UTRN: variants seen among roughly 807,000 people sequenced by gnomAD.
The protein encoded by UTRN is dystrophin-related protein 1.
A neutral mutation model predicts 463.9 loss-of-function variants in UTRN; 283 were observed. The observed-to-expected ratio is 0.61, with a 90% CI of 0.55 to 0.67. The LOEUF (loss-of-function observed/expected upper bound fraction) is 0.67. Ranked by LOEUF, UTRN falls within the 30% of genes least tolerant of loss-of-function variation. The pLI, the probability that UTRN is intolerant of heterozygous loss-of-function variation, is 0.00. For missense variants in UTRN, 3,922 were observed against 4,084.3 expected (o/e 0.96, Z 1.08); for synonymous variants, 1,442 against 1,431.5 (o/e 1.01, Z -0.17).
intron 33 of UTRN, among the ~76,000 whole-genome samples, chr6:144,494,586 C>T (rs954269075): frequency 6.6e-6 from 1 of 152,178 alleles, no homozygotes; most frequent in Non-Finnish European, 1.5e-5. Context: ...CTGGCCCTAC[C>T]CACATCCTGC....
Position 144,448,670 on chromosome 6 carries a change from T to C in UTRN, c.1973T>C (p.Val658Ala). Residue 658 changes from valine (V) to alanine (A), a missense_variant, in exon 17 of 75, where the codon GTA becomes GCA. Val to Ala is a moderately conservative substitution (Grantham distance 64). Around this residue, in one of 3 missense-constraint regions of UTRN, gnomAD observed 2,349 missense variants for 2,303.8 expected, o/e 1.02. Coordinates refer to ENST00000367545, the MANE Select transcript of UTRN (RefSeq NM_007124.3). Reference sequence around the variant, plus strand: ...AAGGACCTTTTGGAGACTGTTCGTGTAAGAGAACAAGCAATTACAAAAAAA... The same window carrying C: ...AAGGACCTTTTGGAGACTGTTCGTGCAAGAGAACAAGCAATTACAAAAAAA... ...PQKDLLETVR[V>A]REQAITKKSK... 6.2e-7 allele frequency: 1 copy of C among 1,613,984 alleles called. No homozygotes were observed. The highest frequency in any genetic ancestry group is 8.5e-7 in the Non-Finnish European group (1 of 1,179,968).
chr6:144,583,195 C>T (rs575221446), intron 51 of UTRN: 4 of 308,988 alleles, frequency 1.3e-5, no homozygotes, highest in African/African-American at 2.1e-5. Context: ...CAGCCGGCAG[C>T]GCTTGGCTGC....
At chr6:144,823,110 G>T (rs185907436) in intron 66 of UTRN, among the ~76,000 whole-genome samples, 1 of 152,028 alleles carries the variant, frequency 6.6e-6, no homozygotes, top group Non-Finnish European at 1.5e-5. Flanking sequence ...TGATTTTGGG[G>T]TGTAATTCTG....
intron 74 of UTRN, 92 bp from the exon 75 acceptor site, chr6:144,850,897 A>C: frequency 6.4e-7 from 1 of 1,552,024 alleles, no homozygotes; most frequent in Admixed American, 1.7e-5. Flanking sequence ...CTCTTGAAAG[A>C]AGCACTTTTA....
At chr6:144,362,033 GCAA>G (rs1219936429) in intron 2 of UTRN, among the ~76,000 whole-genome samples, 2 of 151,820 alleles carry the variant, frequency 1.3e-5, no homozygotes, top group African/African-American at 4.8e-5. Context: ...CATAATAATG[GCAA>G]CAACAACAAA....
intron 49 of UTRN, among the ~76,000 whole-genome samples, chr6:144,556,776 C>T (rs1444155586): frequency 6.6e-6 from 1 of 152,160 alleles, no homozygotes; most frequent in South Asian, 2.1e-4. Flanking sequence ...TGATTCTTCA[C>T]GTTTCTCCAG....
intron 3 of UTRN, among the ~76,000 whole-genome samples, chr6:144,406,455 C>T (rs1033178961): frequency 4.0e-5 from 6 of 151,098 alleles, no homozygotes; most frequent in African/African-American, 7.3e-5. Context: ...CAGCCTCTGC[C>T]TCCCAGGTTG....
chr6:144,751,979 C>T (rs760146955), intron 56 of UTRN, 27 bp downstream of exon 56: 1 of 1,572,980 alleles, frequency 6.4e-7, no homozygotes, highest in Non-Finnish European at 8.6e-7. Flanking sequence ...CTTCATAATG[C>T]AGGCTTACAC....
intron 51 of UTRN, among the ~76,000 whole-genome samples, chr6:144,664,948 G>C (rs2128674739): frequency 1.3e-5 from 2 of 152,036 alleles, no homozygotes; most frequent in African/African-American, 4.8e-5. Flanking sequence ...ATCCTGCTGA[G>C]CTCCTGATAA....
chr6:144,747,922 T>A (rs1394123281), intron 54 of UTRN, among the ~76,000 whole-genome samples: 2 of 152,248 alleles, frequency 1.3e-5, no homozygotes, highest in Non-Finnish European at 2.9e-5. Context: ...ACTGAATTTA[T>A]GATAAAGAAA....
At chr6:144,502,277 T>A (rs1235448543) in intron 34 of UTRN, among the ~76,000 whole-genome samples, 1 of 152,072 alleles carries the variant, frequency 6.6e-6, no homozygotes, top group South Asian at 2.1e-4. Context: ...TTAATTGTTA[T>A]ACTTTAAGTT....
intron 51 of UTRN, among the ~76,000 whole-genome samples, chr6:144,647,917 G>A (rs1420596307): frequency 2.0e-5 from 3 of 152,224 alleles, no homozygotes; most frequent in African/African-American, 7.2e-5. Context: ...ATGTATTACA[G>A]TTGTTAGATT....
intron 2 of UTRN, among the ~76,000 whole-genome samples, chr6:144,311,002 T>C (rs1366763781): frequency 6.6e-6 from 1 of 152,238 alleles, no homozygotes. Flanking sequence ...GTCAGCGTGG[T>C]TGCCAACTGC....
intron 2 of UTRN, among the ~76,000 whole-genome samples, chr6:144,317,215 G>A (rs1775337601): frequency 6.6e-6 from 1 of 152,128 alleles, no homozygotes; most frequent in African/African-American, 2.4e-5. Context: ...CGAATGATAT[G>A]GAGGAAGCTA....
intron 19 of UTRN, among the ~76,000 whole-genome samples, chr6:144,455,140 A>G (rs1788693754): frequency 6.6e-6 from 1 of 152,214 alleles, no homozygotes; most frequent in Admixed American, 6.5e-5. Flanking sequence ...CACACAAAAT[A>G]TGGAATGTAT....
chr6:144,781,263 ACTT>A (rs1316424940), intron 60 of UTRN, among the ~76,000 whole-genome samples: 1 of 152,152 alleles, frequency 6.6e-6, no homozygotes, highest in African/African-American at 2.4e-5. Flanking sequence ...CTGCTCTAGT[ACTT>A]CTTCTTAGCT....
chr6:144,653,127 T>G (rs1778986884), intron 51 of UTRN, among the ~76,000 whole-genome samples: 1 of 152,204 alleles, frequency 6.6e-6, no homozygotes, highest in African/African-American at 2.4e-5. Context: ...AGTCCCTCCC[T>G]TCCAGGTCGC....
intron 2 of UTRN, among the ~76,000 whole-genome samples, chr6:144,393,966 A>G (rs1453319028): frequency 6.6e-6 from 1 of 152,132 alleles, no homozygotes; most frequent in Non-Finnish European, 1.5e-5. Context: ...TCCTGTCTGG[A>G]AGAATGGAAA....
chr6:144,327,825 T>C (rs1290161989), intron 2 of UTRN, among the ~76,000 whole-genome samples: 3 of 151,958 alleles, frequency 2.0e-5, no homozygotes, highest in Non-Finnish European at 4.4e-5. Context: ...GTACCTGGAA[T>C]CCTAGCAACT....
Sources: allele counts gnomAD v4.1 joint callset (sites outside exome capture counted in the v4.1 genomes callset), GRCh38; gene constraint gnomAD v4.1.1; regional missense constraint gnomAD v4.1.1; transcripts MANE v1.5; gene names NCBI Gene and HGNC (gene_info 2026-07-23, HGNC 2026-07-21).